The following MACROD2 variants were observed in gnomAD, a reference collection of about 807,000 sequenced individuals.
MACROD2 encodes mono-ADP ribosylhydrolase 2.
A neutral mutation model predicts 70.4 loss-of-function variants in MACROD2; 36 were observed. The ratio of observed to expected loss-of-function variants is 0.51; its 90% confidence interval spans 0.39 to 0.68. MACROD2 has a LOEUF of 0.68. MACROD2 is among the 30% of genes least tolerant of loss of function. The pLI is 0.00. For synonymous variants in MACROD2, 172 were observed against 178.8 expected (o/e 0.96, Z 0.30); for missense variants, 496 against 538.4 (o/e 0.92, Z 0.78).
At chr20:14,516,906 A>T (rs1400433024) in intron 4 of MACROD2, among the ~76,000 whole-genome samples, 1 of 152,218 alleles carries the variant, frequency 6.6e-6, no homozygotes. Context: ...TCAAAAGAAG[A>T]CGTTTATGCA....
At chr20:14,215,574 A>C (rs995169508) in intron 3 of MACROD2, among the ~76,000 whole-genome samples, 6 of 152,008 alleles carry the variant, frequency 3.9e-5, no homozygotes, top group African/African-American at 1.2e-4. Flanking sequence ...TTACTTCTCT[A>C]AGGGATCTCC....
chr20:15,166,940 AATTTAAGTATTAAATT>A (rs939109981), intron 5 of MACROD2, among the ~76,000 whole-genome samples: 2 of 128,214 alleles, frequency 1.6e-5, no homozygotes, highest in Non-Finnish European at 3.6e-5. Flanking sequence ...TTAAGTATTT[AATTTAAGTATTAAATT>A]ATTTAAGTAT....
chr20:15,851,042 T>C (rs576995740), intron 8 of MACROD2, among the ~76,000 whole-genome samples: 31 of 151,900 alleles, frequency 2.0e-4, no homozygotes, highest in Admixed American at 1.8e-3. Context: ...ACGTTGGAAA[T>C]GATGGAAAAA....
intron 6 of MACROD2, among the ~76,000 whole-genome samples, chr20:15,244,230 C>T (rs1431368387): frequency 3.3e-5 from 5 of 152,114 alleles, no homozygotes; most frequent in Non-Finnish European, 7.4e-5. Flanking sequence ...GGGCTATTTA[C>T]ATGGCAGAAA....
chr20:14,105,989 G>A (rs567785239), intron 3 of MACROD2, among the ~76,000 whole-genome samples: 1 of 152,328 alleles, frequency 6.6e-6, no homozygotes, highest in African/African-American at 2.4e-5. Context: ...AGCATACCAT[G>A]GACCTTGGGC....
rs139413383 is a variant in MACROD2, at chr20:14,760,859, C to T, written c.418+75900C>T. Among the ~76,000 whole-genome samples the T allele has an allele frequency of 2.5e-3, 387 of 152,218 alleles. 3 individuals are homozygous for T. The highest frequency in any genetic ancestry group is 9.1e-3 in the African/African-American group (377 of 41,500). On this transcript the variant is annotated intron_variant, in intron 5 of 17. Coordinates refer to ENST00000684519, the MANE Select transcript of MACROD2 (RefSeq NM_001351661.2). ...ATTTACAACCTCAGCTGTTCAAAAT[C>T]GAGCCCTGATTCGTCAACGTTACTG...
intron 8 of MACROD2, among the ~76,000 whole-genome samples, chr20:15,630,752 C>G (rs573926662): frequency 6.6e-6 from 1 of 152,218 alleles, no homozygotes; most frequent in South Asian, 2.1e-4. Context: ...TTTCCTAACT[C>G]TTTGTGAATT....
Position 14,989,890 on chromosome 20 carries a change from A to G in MACROD2, c.419-240050A>G, listed in dbSNP as rs948827489. Among the ~76,000 whole-genome samples, 5 of 152,194 alleles carry G rather than the reference A, an allele frequency of 3.3e-5. No homozygotes were observed. In the East Asian group the frequency reaches 9.7e-4, roughly 29 times the overall value. ...CTAGTCATGTGAAACTGCTGCCTGG[A>G]ATTTTCTATGTTCCTACAATCACCC... On this transcript the variant is annotated intron_variant, in intron 5 of 17. Coordinates refer to ENST00000684519, the MANE Select transcript of MACROD2 (RefSeq NM_001351661.2).
intron 8 of MACROD2, among the ~76,000 whole-genome samples, chr20:15,591,584 ACT>A (rs2048680553): frequency 1.5e-5 from 1 of 65,780 alleles, no homozygotes. Context: ...GAAAGCCAGT[ACT>A]AAAAAAAAAA....
chr20:14,736,773 A>G (rs1266333719), intron 5 of MACROD2, among the ~76,000 whole-genome samples: 2 of 152,176 alleles, frequency 1.3e-5, no homozygotes, highest in African/African-American at 4.8e-5. Context: ...CATCACATAC[A>G]TGGTTAATAA....
intron 3 of MACROD2, among the ~76,000 whole-genome samples, chr20:14,141,463 C>T (rs2054871981): frequency 6.6e-6 from 1 of 152,024 alleles, no homozygotes; most frequent in African/African-American, 2.4e-5. Flanking sequence ...GATTAAAGGG[C>T]GGCTGGGCGC....
chr20:14,405,585 A>G (rs2083683268), intron 3 of MACROD2, among the ~76,000 whole-genome samples: 1 of 152,172 alleles, frequency 6.6e-6, no homozygotes, highest in Non-Finnish European at 1.5e-5. Context: ...CTGCTGCTAG[A>G]ATGGAGTCGT....
At position 14,326,343 on chromosome 20, in the gene MACROD2, C is replaced by T; in HGVS notation, c.272-167136C>T. On this transcript the variant is annotated intron_variant, in intron 3 of 17. Transcript: ENST00000684519. The surrounding 1 kb of genome is among the most constrained non-coding windows in gnomAD (Gnocchi z 5.5). ...TGAGCTTGGGGTTCTTAATATCTGG[C>T]TGTTTGGTCACTGGAGCTGGCCACT... is the stretch of plus-strand genomic sequence containing the variant. 6.2e-7 allele frequency: 1 copy of T among 1,613,870 alleles called. No individual in the cohort carries two copies. Among genetic ancestry groups the T allele is most frequent in the African/African-American group, 1.3e-5 (1 of 75,012 alleles).
At chr20:14,460,613 G>T (rs1045763317) in intron 3 of MACROD2, among the ~76,000 whole-genome samples, 2 of 151,994 alleles carry the variant, frequency 1.3e-5, no homozygotes, top group Non-Finnish European at 2.9e-5. Flanking sequence ...CCAATTTATT[G>T]TGAGTTTTTA....
intron 5 of MACROD2, among the ~76,000 whole-genome samples, chr20:15,198,189 G>A (rs1309385923): frequency 3.9e-5 from 6 of 152,026 alleles, no homozygotes; most frequent in Admixed American, 3.9e-4. Context: ...TCGAACTCCT[G>A]ACCTCGTGAT....
chr20:14,172,740 T>G (rs1029700845), intron 3 of MACROD2, among the ~76,000 whole-genome samples: 2 of 152,234 alleles, frequency 1.3e-5, no homozygotes. Flanking sequence ...GTTTTCGTCT[T>G]ATAGGTCCTT....
At chr20:14,306,522 G>A (rs375062372) in intron 3 of MACROD2, among the ~76,000 whole-genome samples, 1 of 152,202 alleles carries the variant, frequency 6.6e-6, no homozygotes, top group East Asian at 1.9e-4. Context: ...ATGTTTTAAT[G>A]AAATTATGAT....
At chr20:14,032,110 CTTGT>C (rs970368656) in intron 2 of MACROD2, among the ~76,000 whole-genome samples, 18 of 151,740 alleles carry the variant, frequency 1.2e-4, no homozygotes, top group African/African-American at 4.1e-4. Flanking sequence ...TGCTTTGAGG[CTTGT>C]TTTTTTCTCA....
At chr20:15,430,215 AT>A (rs368190888) in intron 6 of MACROD2, among the ~76,000 whole-genome samples, 6,590 of 151,738 alleles carry the variant, frequency 0.043, 187 homozygotes, top group Middle Eastern at 0.078. Flanking sequence ...TTTGTATTGT[AT>A]TTTTTTTCTT....
Sources: gnomAD v4.1 joint callset for allele counts (sites outside exome capture counted in the v4.1 genomes callset) on GRCh38, gnomAD v4.1.1 for gene constraint, Gnocchi (gnomAD v3.1) non-coding constraint, MANE v1.5 for transcripts, NCBI Gene and HGNC (gene_info 2026-07-23, HGNC 2026-07-21) for gene names.